CLEC16A: variants seen among roughly 807,000 people sequenced by gnomAD.
The protein encoded by CLEC16A is protein CLEC16A.
In CLEC16A, 51 loss-of-function variants were observed where a neutral mutation model predicts 109.5. The observed-to-expected ratio is 0.47, with a 90% CI of 0.37 to 0.59. The LOEUF is 0.59. CLEC16A is among the 20% of genes least tolerant of loss of function. CLEC16A has a pLI of 0.00. For synonymous variants in CLEC16A, 673 were observed against 564.2 expected, an observed-to-expected ratio of 1.19 and a Z score of -2.73; for missense variants, 1,339 against 1,394.0, an observed-to-expected ratio of 0.96 and a Z score of 0.63.
At chr16:11,138,037 G>A (rs2053650803) in intron 22 of CLEC16A, among the ~76,000 whole-genome samples, 1 of 152,230 alleles carries the variant, frequency 6.6e-6, no homozygotes, top group Non-Finnish European at 1.5e-5. Flanking sequence ...CTGGGGGCCA[G>A]GGTACGGGAC....
At chr16:11,128,654 G>A (rs1323355036) in intron 22 of CLEC16A, among the ~76,000 whole-genome samples, 5 of 152,202 alleles carry the variant, frequency 3.3e-5, no homozygotes, top group Non-Finnish European at 7.3e-5. Flanking sequence ...GTGTCCTGAA[G>A]AGCAAGTTGA....
intron 10 of CLEC16A, among the ~76,000 whole-genome samples, chr16:10,986,050 A>T (rs2043632704): frequency 2.8e-4 from 5 of 17,896 alleles, no homozygotes; most frequent in East Asian, 1.1e-3. Flanking sequence ...TTTTTTTTTG[A>T]GACTGAGTCT....
At chr16:11,134,753 C>T (rs984925142) in intron 22 of CLEC16A, among the ~76,000 whole-genome samples, 2 of 152,230 alleles carry the variant, frequency 1.3e-5, no homozygotes, top group African/African-American at 2.4e-5. Flanking sequence ...TTGGATTGCT[C>T]AACCTGCAAT....
intron 13 of CLEC16A, among the ~76,000 whole-genome samples, chr16:11,032,871 A>G (rs943107920): frequency 3.9e-5 from 6 of 152,100 alleles, no homozygotes; most frequent in African/African-American, 1.4e-4. Context: ...AGGAATTGCC[A>G]TTTTTTCTCC....
intron 21 of CLEC16A, among the ~76,000 whole-genome samples, chr16:11,125,648 CAG>C (rs2052754132): frequency 1.3e-5 from 2 of 152,238 alleles, no homozygotes; most frequent in African/African-American, 4.8e-5. Flanking sequence ...CAGCCTTTGT[CAG>C]GGTCCTTTAC....
chr16:10,944,613 G>C lies in CLEC16A; in HGVS notation c.-105G>C. On this transcript the variant is annotated 5_prime_UTR_variant, in exon 1 of 24. Transcript: ENST00000409790. ...GAAGGCGGCTCGCGGTTCCTCCACC[G>C]CCTCCGCCGCCGCATCCTCCGCTTG... 1.8e-6 allele frequency: 2 copies of C among 1,122,710 alleles called. No individual in the cohort carries two copies. Among genetic ancestry groups the C allele is most frequent in the Non-Finnish European group, 2.5e-6 (2 of 784,440 alleles). The allele number at this position is 1,122,710 out of a possible 1,614,324, so 69.5% of individuals were successfully genotyped here. A position where few individuals can be genotyped will look rare whatever the true frequency, so the allele number is the denominator to read the frequency against.
intron 23 of CLEC16A, among the ~76,000 whole-genome samples, chr16:11,169,345 G>A (rs2068408279): frequency 6.6e-6 from 1 of 152,216 alleles, no homozygotes; most frequent in Non-Finnish European, 1.5e-5. Flanking sequence ...GAAGTGCAGT[G>A]TCGCAGTCTC....
intron 22 of CLEC16A, among the ~76,000 whole-genome samples, chr16:11,140,635 C>G (rs1276947943): frequency 2.0e-5 from 3 of 152,252 alleles, no homozygotes; most frequent in Non-Finnish European, 2.9e-5. Flanking sequence ...GCCCTTTGTG[C>G]TGACCCAACA....
chr16:11,024,796 C>T (rs765226178), intron 12 of CLEC16A, 25 bp from the exon 13 acceptor site: 8 of 1,553,218 alleles, frequency 5.2e-6, no homozygotes, highest in East Asian at 2.3e-5. Context: ...CCGTGAGGCT[C>T]ATACATGCCC....
At chr16:11,120,033 G>C (rs551455541) in intron 19 of CLEC16A, among the ~76,000 whole-genome samples, 37 of 152,240 alleles carry the variant, frequency 2.4e-4, no homozygotes, top group African/African-American at 8.9e-4. Flanking sequence ...TGCAGAGCGC[G>C]ATCTTGGCTC....
intron 13 of CLEC16A, among the ~76,000 whole-genome samples, chr16:11,037,363 A>G (rs1004314789): frequency 8.6e-4 from 131 of 152,192 alleles, no homozygotes; most frequent in African/African-American, 3.1e-3. Flanking sequence ...AAACAACATA[A>G]CAACTCTGGG....
chr16:10,971,028 C>A, intron 4 of CLEC16A, 97 bp from the exon 5 acceptor site: 25 of 383,188 alleles, frequency 6.5e-5, no homozygotes, highest in East Asian at 1.4e-4. Flanking sequence ...TTTTTTTTGT[C>A]TTTTTCTGAA....
At chr16:11,012,931 T>C (rs192019351) in intron 11 of CLEC16A, among the ~76,000 whole-genome samples, 2 of 152,358 alleles carry the variant, frequency 1.3e-5, no homozygotes, top group Admixed American at 1.3e-4. Flanking sequence ...TAGGATCTTG[T>C]ATGACCAGTG....
chr16:11,100,643 TACTG>T (rs1464647697), intron 19 of CLEC16A, among the ~76,000 whole-genome samples: 1 of 152,166 alleles, frequency 6.6e-6, no homozygotes, highest in African/African-American at 2.4e-5. Flanking sequence ...TCAAGTCAGT[TACTG>T]ACCCTCTCAG....
intron 23 of CLEC16A, among the ~76,000 whole-genome samples, chr16:11,175,611 A>G (rs1364496521): frequency 6.6e-6 from 1 of 152,238 alleles, no homozygotes; most frequent in African/African-American, 2.4e-5. Flanking sequence ...TTAAACAACA[A>G]CAAGGCCATG....
chr16:11,019,750 CAA>C (rs1488481081), intron 11 of CLEC16A, among the ~76,000 whole-genome samples: 2 of 133,548 alleles, frequency 1.5e-5, no homozygotes, highest in African/African-American at 2.9e-5. Flanking sequence ...GCCTGGGTGA[CAA>C]GAGCGAGACT....
intron 13 of CLEC16A, among the ~76,000 whole-genome samples, chr16:11,036,251 G>A (rs1311061421): frequency 6.6e-6 from 1 of 151,940 alleles, no homozygotes; most frequent in Non-Finnish European, 1.5e-5. Flanking sequence ...ATCCTGGCAC[G>A]AAGCCTTGCC....
Position 11,166,498 on chromosome 16 carries a change from G to T in CLEC16A, c.2752G>T (p.Asp918Tyr), listed in dbSNP as rs745971246. The change falls in exon 23 of 24, where the codon GAC (aspartate) becomes TAC (tyrosine). Residue 918 changes from aspartate (D) to tyrosine (Y), a missense_variant. By Grantham distance (160) the Asp-to-Tyr change is radical (BLOSUM62 -3). Transcript: ENST00000409790. ...CGGCAGCGGGAGCACCAGCCACTGC[G>T]ACTCTGGAGGCACCAGCTCGTCCTC... ...PSGSGSTSHC[D>Y]SGGTSSSSTP... The T allele has an allele frequency of 5.0e-6, 8 of 1,609,386 alleles. No homozygotes were observed. Among genetic ancestry groups the T allele is most frequent in the South Asian group, 1.1e-5 (1 of 90,890 alleles).
intron 13 of CLEC16A, among the ~76,000 whole-genome samples, chr16:11,025,441 C>A (rs1316427325): frequency 6.6e-6 from 1 of 152,132 alleles, no homozygotes; most frequent in Non-Finnish European, 1.5e-5. Flanking sequence ...GATCCAACTC[C>A]CATGGGGTTG....
Sources: allele counts gnomAD v4.1 joint callset (sites outside exome capture counted in the v4.1 genomes callset), GRCh38; gene constraint gnomAD v4.1.1; transcripts MANE v1.5; gene names NCBI Gene and HGNC (gene_info 2026-07-23, HGNC 2026-07-21).